The following DLGAP1 variants were observed in gnomAD, a reference collection of about 807,000 sequenced individuals.
DLGAP1 encodes the protein DLG associated protein 1.
DLGAP1 carries 11 observed loss-of-function variants against 90.8 expected under a neutral mutation model. The observed-to-expected ratio is 0.12, with a 90% confidence interval of 0.08 to 0.20. The LOEUF (loss-of-function observed/expected upper bound fraction) is 0.20, where lower values mean the gene tolerates loss of function less well. Ranked by LOEUF, DLGAP1 falls within the 10% of genes least tolerant of loss-of-function variation. The pLI is 1.00. For synonymous variants in DLGAP1, 558 were observed against 540.7 expected (o/e 1.03, Z -0.44); for missense variants, 1,050 against 1,333.8 (o/e 0.79, Z 3.31).
chr18:4,403,810 T>G (rs1482178214), intron 1 of DLGAP1, among the ~76,000 whole-genome samples: 1 of 152,138 alleles, frequency 6.6e-6, no homozygotes, highest in Non-Finnish European at 1.5e-5. Context: ...CATGGGTTAT[T>G]TGCAAGATCT....
At chr18:4,119,433 T>C (rs1273484573) in intron 2 of DLGAP1, among the ~76,000 whole-genome samples, 1 of 152,198 alleles carries the variant, frequency 6.6e-6, no homozygotes, top group African/African-American at 2.4e-5. Flanking sequence ...CAATAATTAG[T>C]GCACTGCAGG....
chr18:3,891,558 A>G (rs543569147), intron 3 of DLGAP1, among the ~76,000 whole-genome samples: 7 of 152,304 alleles, frequency 4.6e-5, no homozygotes, highest in Non-Finnish European at 5.9e-5. Flanking sequence ...TGGTTGGGAA[A>G]ACAAAGTAGT....
chr18:3,997,747 A>T (rs2074099472), intron 3 of DLGAP1, among the ~76,000 whole-genome samples: 1 of 152,138 alleles, frequency 6.6e-6, no homozygotes, highest in Non-Finnish European at 1.5e-5. Context: ...TTAACCCAAT[A>T]TGTCACAAAT....
At chr18:4,198,769 C>A (rs1244516786) in intron 1 of DLGAP1, among the ~76,000 whole-genome samples, 4 of 152,194 alleles carry the variant, frequency 2.6e-5, no homozygotes, top group Non-Finnish European at 5.9e-5. Flanking sequence ...CTTGTAGGTG[C>A]ATATCAAATG....
chr18:4,016,520 T>C (rs1338199549), intron 2 of DLGAP1, among the ~76,000 whole-genome samples: 3 of 152,236 alleles, frequency 2.0e-5, no homozygotes, highest in Non-Finnish European at 2.9e-5. Flanking sequence ...TGGGGAAGTT[T>C]GTGGCTATCA....
At chr18:4,052,576 G>A (rs1568370438) in intron 2 of DLGAP1, among the ~76,000 whole-genome samples, 1 of 152,158 alleles carries the variant, frequency 6.6e-6, no homozygotes, top group African/African-American at 2.4e-5. Flanking sequence ...TGTGACGGGA[G>A]GGACTGCTGT....
intron 1 of DLGAP1, among the ~76,000 whole-genome samples, chr18:4,244,602 T>A (rs1019653422): frequency 3.3e-5 from 5 of 152,190 alleles, no homozygotes; most frequent in African/African-American, 9.7e-5. Flanking sequence ...TGCTGGTCAT[T>A]CTTCGTTGAT....
At chr18:3,850,300 A>T (rs1467342477) in intron 4 of DLGAP1, among the ~76,000 whole-genome samples, 4 of 152,112 alleles carry the variant, frequency 2.6e-5, no homozygotes, top group African/African-American at 9.7e-5. Flanking sequence ...CTGAGGCAGG[A>T]GAATCACTTG....
At chr18:3,515,113 G>A (rs113946392) in intron 10 of DLGAP1, among the ~76,000 whole-genome samples, 177 of 152,186 alleles carry the variant, frequency 1.2e-3, no homozygotes, top group Non-Finnish European at 2.1e-3. Flanking sequence ...TTCATGAAAG[G>A]TTTCTCTGTT....
chr18:4,192,662 A>C (rs867271040), intron 1 of DLGAP1, among the ~76,000 whole-genome samples: 3 of 152,330 alleles, frequency 2.0e-5, no homozygotes, highest in East Asian at 1.9e-4. Flanking sequence ...AGTCAAGAAG[A>C]AGCAGCCAAG....
intron 5 of DLGAP1, among the ~76,000 whole-genome samples, chr18:3,772,837 G>A (rs960326688): frequency 6.6e-6 from 1 of 152,048 alleles, no homozygotes; most frequent in African/African-American, 2.4e-5. Context: ...GGACTTCCAG[G>A]TGATTCTTAA....
At chr18:4,114,341 T>C (rs1055194307) in intron 2 of DLGAP1, among the ~76,000 whole-genome samples, 2 of 152,076 alleles carry the variant, frequency 1.3e-5, no homozygotes, top group African/African-American at 4.8e-5. Flanking sequence ...TATTCCTAGA[T>C]ATTTTACTTT....
At chr18:4,199,290 C>T (rs572272321) in intron 1 of DLGAP1, among the ~76,000 whole-genome samples, 2 of 152,150 alleles carry the variant, frequency 1.3e-5, no homozygotes, top group African/African-American at 4.8e-5. Flanking sequence ...TCTTCTCCAG[C>T]GTGGCGTAAA....
intron 4 of DLGAP1, among the ~76,000 whole-genome samples, chr18:3,871,915 A>G (rs1300889690): frequency 6.6e-6 from 1 of 152,224 alleles, no homozygotes; most frequent in Non-Finnish European, 1.5e-5. Flanking sequence ...GCAGGCTCAC[A>G]TAATTCTGCT....
intron 1 of DLGAP1, among the ~76,000 whole-genome samples, chr18:4,307,540 A>G (rs118094632): frequency 1.4e-3 from 210 of 152,280 alleles, no homozygotes; most frequent in Middle Eastern, 6.8e-3. Context: ...ATATGCAACA[A>G]TACTCCAGTG....
chr18:3,988,683 G>T (rs1303350407), intron 3 of DLGAP1, among the ~76,000 whole-genome samples: 1 of 152,106 alleles, frequency 6.6e-6, no homozygotes, highest in Non-Finnish European at 1.5e-5. Context: ...ACTCACCTGC[G>T]ATGCAGCCCG....
At chr18:3,837,590 T>C (rs2068460063) in intron 4 of DLGAP1, among the ~76,000 whole-genome samples, 1 of 152,198 alleles carries the variant, frequency 6.6e-6, no homozygotes. Context: ...GGCTCATGCC[T>C]GTAATTCTAG....
At chr18:4,062,811 T>C (rs1375676752) in intron 2 of DLGAP1, among the ~76,000 whole-genome samples, 4 of 152,102 alleles carry the variant, frequency 2.6e-5, no homozygotes, top group Non-Finnish European at 5.9e-5. Flanking sequence ...TAACTTTCTT[T>C]TTTTTCCCTG....
chr18:4,212,007 G>A (rs890213615), intron 1 of DLGAP1, among the ~76,000 whole-genome samples: 1 of 152,088 alleles, frequency 6.6e-6, no homozygotes, highest in Non-Finnish European at 1.5e-5. Flanking sequence ...TTTTGTATGC[G>A]TTTTTGAAAA....
Sources: allele counts gnomAD v4.1 joint callset (sites outside exome capture counted in the v4.1 genomes callset), GRCh38; gene constraint gnomAD v4.1.1; transcripts MANE v1.5; gene names NCBI Gene and HGNC (gene_info 2026-07-23, HGNC 2026-07-21).